The following LRP1B variants were observed in gnomAD, a reference collection of about 807,000 sequenced individuals.
The protein encoded by LRP1B is LDL receptor related protein 1B.
In LRP1B, 217 loss-of-function variants were observed where a neutral mutation model predicts 556.6. That is an observed-to-expected ratio of 0.39 (90% confidence interval 0.35 to 0.44). The LOEUF (loss-of-function observed/expected upper bound fraction) is 0.44. Ranked by LOEUF, LRP1B falls within the 20% of genes least tolerant of loss-of-function variation. LRP1B has a pLI of 1.00. For synonymous variants in LRP1B, 2,047 were observed against 1,865.8 expected, an observed-to-expected ratio of 1.10 and a Z score of -2.50; for missense variants, 5,053 against 5,620.8, an observed-to-expected ratio of 0.90 and a Z score of 3.23.
chr2:140,258,900 C>A (rs1211815568), intron 86 of LRP1B, among the ~76,000 whole-genome samples: 3 of 152,086 alleles, frequency 2.0e-5, no homozygotes, highest in Non-Finnish European at 2.9e-5. Context: ...AATTAGAAGT[C>A]ATTAAGAAAT....
At chr2:141,974,426 A>G (rs1701826998) in intron 1 of LRP1B, among the ~76,000 whole-genome samples, 1 of 152,014 alleles carries the variant, frequency 6.6e-6, no homozygotes, top group African/African-American at 2.4e-5. Context: ...TCTGCTGTGA[A>G]TAATTTCAAA....
At chr2:141,401,161 T>A (rs1438316742) in intron 3 of LRP1B, among the ~76,000 whole-genome samples, 1 of 152,170 alleles carries the variant, frequency 6.6e-6, no homozygotes, top group African/African-American at 2.4e-5. Flanking sequence ...AAATACTGAT[T>A]TATAATTACC....
chr2:142,085,294 C>T (rs930040896), intron 1 of LRP1B, among the ~76,000 whole-genome samples: 1 of 152,196 alleles, frequency 6.6e-6, no homozygotes, highest in African/African-American at 2.4e-5. Flanking sequence ...CATCTTCTAA[C>T]ATCTCCCATA....
chr2:140,564,879 G>C (rs1444935080), intron 43 of LRP1B, among the ~76,000 whole-genome samples: 1 of 152,032 alleles, frequency 6.6e-6, no homozygotes, highest in African/African-American at 2.4e-5. Context: ...TAGCATTTCA[G>C]CATAACTTAA....
chr2:141,910,764 A>G (rs1377674790), intron 1 of LRP1B, among the ~76,000 whole-genome samples: 1 of 152,144 alleles, frequency 6.6e-6, no homozygotes, highest in Non-Finnish European at 1.5e-5. Context: ...TAAGTAGATA[A>G]TCGAAAGGAC....
At chr2:142,026,324 T>C (rs1225365967) in intron 1 of LRP1B, among the ~76,000 whole-genome samples, 3 of 152,072 alleles carry the variant, frequency 2.0e-5, no homozygotes, top group Non-Finnish European at 2.9e-5. Flanking sequence ...CTTATATGCA[T>C]AACGATATGG....
chr2:140,325,761 C>A lies in LRP1B; in HGVS notation c.12340+1G>T, dbSNP rs2105063872. 1 of 1,599,968 alleles carries A rather than the reference C, an allele frequency of 6.3e-7. No homozygotes were observed. Among genetic ancestry groups the A allele is most frequent in the Non-Finnish European group, 8.5e-7 (1 of 1,169,678 alleles). ...AATGAAGACAAAAGCACTTCACAAA[C>A]CTTGTTTGCTGCTGACAGAGACTAC... is the stretch of plus-strand genomic sequence containing the variant. On this transcript the variant is annotated splice_donor_variant, in intron 80 of 90. Transcript: ENST00000389484. LOFTEE classifies it high-confidence loss of function.
intron 86 of LRP1B, among the ~76,000 whole-genome samples, chr2:140,258,893 TAGA>T (rs1437428687): frequency 6.6e-6 from 1 of 152,154 alleles, no homozygotes; most frequent in Non-Finnish European, 1.5e-5. Flanking sequence ...CATTGCAAAT[TAGA>T]AGTCATTAAG....
At chr2:140,637,318 C>A (rs568527847) in intron 41 of LRP1B, among the ~76,000 whole-genome samples, 1 of 152,296 alleles carries the variant, frequency 6.6e-6, no homozygotes, top group African/African-American at 2.4e-5. Context: ...CATGGTTTAT[C>A]TTCTGCTCAT....
intron 7 of LRP1B, among the ~76,000 whole-genome samples, chr2:141,089,187 C>T (rs550538295): frequency 1.3e-5 from 2 of 152,292 alleles, no homozygotes; most frequent in South Asian, 4.1e-4. Context: ...ATATACACAG[C>T]CACCCTTCAG....
At chr2:142,033,713 G>T (rs1156734065) in intron 1 of LRP1B, among the ~76,000 whole-genome samples, 1 of 151,702 alleles carries the variant, frequency 6.6e-6, no homozygotes, top group Non-Finnish European at 1.5e-5. Context: ...ACTCTTTGAG[G>T]ACACTCAAGA....
chr2:141,759,344 G>A (rs921502229), intron 2 of LRP1B, among the ~76,000 whole-genome samples: 4 of 152,058 alleles, frequency 2.6e-5, no homozygotes, highest in Admixed American at 6.6e-5. Flanking sequence ...ACAAAATAAC[G>A]ATACAAAGGA....
At chr2:141,510,338 C>T (rs151144507) in intron 2 of LRP1B, among the ~76,000 whole-genome samples, 156 of 151,842 alleles carry the variant, frequency 1.0e-3, no homozygotes, top group African/African-American at 3.6e-3. Context: ...TTCCTAAAAC[C>T]CTTTTTTACA....
chr2:140,285,026 G>GTA (rs368255793), intron 84 of LRP1B, among the ~76,000 whole-genome samples: 20,590 of 144,420 alleles, frequency 0.14, 1,729 homozygotes, highest in South Asian at 0.2. Context: ...GTGTGTGTGT[G>GTA]TATATATATA....
At chr2:141,441,266 G>T (rs1456003911) in intron 3 of LRP1B, among the ~76,000 whole-genome samples, 1 of 151,968 alleles carries the variant, frequency 6.6e-6, no homozygotes, top group African/African-American at 2.4e-5. Flanking sequence ...TTAGTGGAGA[G>T]GGGTTTTCAC....
chr2:140,771,514 AT>A (rs2104940846), intron 33 of LRP1B, among the ~76,000 whole-genome samples: 1 of 152,306 alleles, frequency 6.6e-6, no homozygotes, highest in African/African-American at 2.4e-5. Context: ...AAATTTTCTC[AT>A]TCATAGAAAT....
At chr2:142,120,336 T>G (rs1416764969) in intron 1 of LRP1B, among the ~76,000 whole-genome samples, 1 of 152,188 alleles carries the variant, frequency 6.6e-6, no homozygotes, top group Non-Finnish European at 1.5e-5. Flanking sequence ...GGTCTCAAAC[T>G]CCTGCCTTCA....
chr2:141,088,974 T>C (rs1700111994), intron 7 of LRP1B, among the ~76,000 whole-genome samples: 1 of 152,214 alleles, frequency 6.6e-6, no homozygotes, highest in Non-Finnish European at 1.5e-5. Context: ...GTCATACATG[T>C]TATATCTTTA....
chr2:141,373,145 T>C (rs1383151462), intron 3 of LRP1B, among the ~76,000 whole-genome samples: 1 of 152,112 alleles, frequency 6.6e-6, no homozygotes, highest in Non-Finnish European at 1.5e-5. Context: ...TGTATTTGTA[T>C]AGTTAATAAG....
Sources: gnomAD v4.1 joint callset for allele counts (sites outside exome capture counted in the v4.1 genomes callset) on GRCh38, gnomAD v4.1.1 for gene constraint, MANE v1.5 for transcripts, NCBI Gene and HGNC (gene_info 2026-07-23, HGNC 2026-07-21) for gene names.